SLC9C1: variants seen among roughly 807,000 people sequenced by gnomAD.
SLC9C1 encodes sodium/hydrogen exchanger 10.
SLC9C1 carries 97 observed loss-of-function variants against 140.9 expected under a neutral mutation model. The observed-to-expected ratio is 0.69, with a 90% CI of 0.58 to 0.82. The LOEUF is 0.82. Among genes scored for constraint, SLC9C1 ranks in the 40% least tolerant of loss-of-function variants. The pLI is 0.00. For missense variants in SLC9C1, 1,340 were observed against 1,389.3 expected, an observed-to-expected ratio of 0.96 and a Z score of 0.56; for synonymous variants, 440 against 442.6, an observed-to-expected ratio of 0.99 and a Z score of 0.07.
intron 1 of SLC9C1, among the ~76,000 whole-genome samples, chr3:112,291,643 A>C (rs2108379705): frequency 6.6e-6 from 1 of 152,352 alleles, no homozygotes; most frequent in Non-Finnish European, 1.5e-5. Context: ...TTGTGGAGAA[A>C]AAGGAATGCT....
chr3:112,243,975 T>C lies in SLC9C1; in HGVS notation c.1279+20A>G. 2.0e-6 allele frequency: 3 copies of C among 1,493,220 alleles called. No individual in the cohort carries two copies. The highest frequency in any genetic ancestry group is 2.7e-6 in the Non-Finnish European group (3 of 1,092,152). The allele number at this position is 1,493,220 out of a possible 1,614,324, so 92.5% of individuals were successfully genotyped here. A position where few individuals can be genotyped will look rare whatever the true frequency, so the allele number is the denominator to read the frequency against. ...TAGAATGTTTTTCTCTCCACAGGAA[T>C]AGTAACTGTTAGGGCTTACCTAGTA... On this transcript the variant is annotated intron_variant, in intron 11 of 28. Transcript: ENST00000305815.
intron 13 of SLC9C1, among the ~76,000 whole-genome samples, chr3:112,230,540 T>G (rs12637609): frequency 0.59 from 89,892 of 151,942 alleles, 27,111 homozygotes; most frequent in East Asian, 0.79. Context: ...AAGAAGTTAT[T>G]TATGTCCTTA....
chr3:112,270,739 C>G lies in SLC9C1; in HGVS notation c.614-662G>C, dbSNP rs374763132. On this transcript the variant is annotated intron_variant, in intron 6 of 28. Coordinates refer to ENST00000305815, the MANE Select transcript of SLC9C1 (RefSeq NM_183061.3). Reference sequence around the variant, plus strand: ...GCTGAGGCATGAGAATAGCTTGAATCTGGGAGGCAGAGGTTGTAGTGAGCC... The same window carrying G: ...GCTGAGGCATGAGAATAGCTTGAATGTGGGAGGCAGAGGTTGTAGTGAGCC... Among the ~76,000 whole-genome samples the G allele has an allele frequency of 5.3e-5, 8 of 152,236 alleles. No individual in the cohort carries two copies. In the East Asian group the frequency reaches 1.5e-3, roughly 29 times the overall value.
At chr3:112,220,105 A>T (rs1311229065) in intron 14 of SLC9C1, among the ~76,000 whole-genome samples, 1 of 152,170 alleles carries the variant, frequency 6.6e-6, no homozygotes, top group Non-Finnish European at 1.5e-5. Flanking sequence ...CCCTGGTACC[A>T]TAGATGAAAA....
intron 26 of SLC9C1, among the ~76,000 whole-genome samples, chr3:112,160,170 G>A (rs944190660): frequency 6.7e-6 from 1 of 149,716 alleles, no homozygotes; most frequent in Non-Finnish European, 1.5e-5. Flanking sequence ...ATCTTCCATT[G>A]TGTTTAGTTA....
At chr3:112,168,571 C>T (rs961302439) in intron 25 of SLC9C1, among the ~76,000 whole-genome samples, 1 of 152,182 alleles carries the variant, frequency 6.6e-6, no homozygotes, top group Admixed American at 6.5e-5. Flanking sequence ...TAAATGCACC[C>T]TCTTTTGCAA....
chr3:112,230,280 T>C (rs2078786660), intron 13 of SLC9C1, among the ~76,000 whole-genome samples: 1 of 152,180 alleles, frequency 6.6e-6, no homozygotes. Context: ...CAGAAGCTGT[T>C]CATAGGCAGT....
chr3:112,224,160 C>A (rs1026459833), intron 13 of SLC9C1, among the ~76,000 whole-genome samples: 1 of 152,196 alleles, frequency 6.6e-6, no homozygotes, highest in Admixed American at 6.5e-5. Flanking sequence ...AGACCAGCCA[C>A]ACAAACTTCT....
chr3:112,200,036 G>A (rs2077868344), intron 19 of SLC9C1, among the ~76,000 whole-genome samples: 1 of 151,984 alleles, frequency 6.6e-6, no homozygotes, highest in Non-Finnish European at 1.5e-5. Context: ...CCTCTTATCT[G>A]GCTTGGTAAC....
Position 112,168,914 on chromosome 3 carries a change from T to A in SLC9C1, c.3200A>T (p.Tyr1067Phe). The A allele has an allele frequency of 6.2e-7, 1 of 1,602,018 alleles. No individual in the cohort carries two copies. The change falls in exon 25 of 29, where the codon TAT becomes TTT. Residue 1067 changes from tyrosine to phenylalanine, a missense_variant. Tyr to Phe is a conservative substitution (Grantham distance 22, BLOSUM62 3). Transcript: ENST00000305815. ...AVEDCLLRKT[Y>F]RAPFLIPITC... ...TATAGGAATTAAGAAAGGTGCTCTA[T>A]AAGTTTTTCGTAACAGACAATCTTC...
rs555929116 is a variant in SLC9C1 at position 112,216,549 on chromosome 3, T to C, written c.1790+893A>G. Among the ~76,000 whole-genome samples, 80 of 151,062 alleles carry C rather than the reference T, an allele frequency of 5.3e-4. 3 individuals carry two copies. The South Asian group carries it at 0.016, about 31-fold the overall frequency. On this transcript the variant is annotated intron_variant, in intron 15 of 28. Coordinates refer to ENST00000305815, the MANE Select transcript of SLC9C1 (RefSeq NM_183061.3). Reference sequence around the variant, plus strand: ...ACCCCATCAAAAAGTGGGCAAATGATATGAACAGACACTTCTCAAAAGAAG... The same window carrying C: ...ACCCCATCAAAAAGTGGGCAAATGACATGAACAGACACTTCTCAAAAGAAG...
At chr3:112,175,729 C>T (rs766471448) in intron 23 of SLC9C1, among the ~76,000 whole-genome samples, 6 of 152,224 alleles carry the variant, frequency 3.9e-5, no homozygotes, top group African/African-American at 7.2e-5. Context: ...CTGACTGCTT[C>T]TCCATAGTAC....
At chr3:112,175,809 G>C (rs2077325782) in intron 23 of SLC9C1, among the ~76,000 whole-genome samples, 1 of 152,214 alleles carries the variant, frequency 6.6e-6, no homozygotes, top group South Asian at 2.1e-4. Flanking sequence ...TAAGGCAACA[G>C]TGGTTGAGGC....
At chr3:112,275,049 T>C (rs1253012059) in intron 5 of SLC9C1, 24 bp from the exon 6 acceptor site, 21 of 1,537,198 alleles carry the variant, frequency 1.4e-5, no homozygotes, top group Non-Finnish European at 1.8e-5. Context: ...GGGGGAAAGA[T>C]GTTTTTTAAA....
intron 7 of SLC9C1, 105 bp from the exon 8 acceptor site, chr3:112,266,445 T>TA (rs1559733430): frequency 1.2e-6 from 1 of 818,928 alleles, no homozygotes; most frequent in Non-Finnish European, 1.9e-6. Context: ...ACCATGACTT[T>TA]TATAGAGAGG....
intron 13 of SLC9C1, among the ~76,000 whole-genome samples, chr3:112,230,641 AGACT>A (rs2078795527): frequency 6.6e-6 from 1 of 152,164 alleles, no homozygotes; most frequent in South Asian, 2.1e-4. Flanking sequence ...TTCCCTAGTT[AGACT>A]GAGCAGGTAG....
intron 28 of SLC9C1, among the ~76,000 whole-genome samples, chr3:112,144,147 A>C (rs574102139): frequency 1.5e-5 from 2 of 136,312 alleles, no homozygotes; most frequent in Non-Finnish European, 3.2e-5. Flanking sequence ...TTTGATTACT[A>C]TGCCTTATAG....
chr3:112,248,501 A>C (rs973618459), intron 10 of SLC9C1, among the ~76,000 whole-genome samples: 1 of 152,154 alleles, frequency 6.6e-6, no homozygotes, highest in Non-Finnish European at 1.5e-5. Context: ...TTTTGATGCC[A>C]TTATTATGTT....
chr3:112,168,034 T>G (rs1377478841), intron 25 of SLC9C1, among the ~76,000 whole-genome samples: 1 of 152,210 alleles, frequency 6.6e-6, no homozygotes, highest in Non-Finnish European at 1.5e-5. Flanking sequence ...CCCATTCCCA[T>G]TACACTTTTT....
Sources: allele counts gnomAD v4.1 joint callset (sites outside exome capture counted in the v4.1 genomes callset), GRCh38; gene constraint gnomAD v4.1.1; transcripts MANE v1.5; gene names NCBI Gene and HGNC (gene_info 2026-07-23, HGNC 2026-07-21).